ACACA: variants seen among roughly 807,000 people sequenced by gnomAD.
ACACA encodes acetyl-CoA carboxylase 1.
A neutral mutation model predicts 296.1 loss-of-function variants in ACACA; 103 were observed. That is an observed-to-expected ratio of 0.35 (90% confidence interval 0.30 to 0.41). The LOEUF (loss-of-function observed/expected upper bound fraction) is 0.41, where lower values mean the gene tolerates loss of function less well. Ranked by LOEUF, ACACA falls within the 10% of genes least tolerant of loss-of-function variation. The pLI is 1.00. For missense variants in ACACA, 1,554 were observed against 2,989.7 expected (o/e 0.52, Z 11.20); for synonymous variants, 953 against 1,038.6 (o/e 0.92, Z 1.58).
intron 41 of ACACA, among the ~76,000 whole-genome samples, chr17:37,164,043 T>A (rs2076568033): frequency 6.6e-6 from 1 of 152,020 alleles, no homozygotes; most frequent in Non-Finnish European, 1.5e-5. Flanking sequence ...ATGTTTTCCA[T>A]TCTTTTTTTC....
chr17:37,098,470 T>G (rs1336417894), intron 52 of ACACA, among the ~76,000 whole-genome samples: 1 of 152,252 alleles, frequency 6.6e-6, no homozygotes, highest in Non-Finnish European at 1.5e-5. Flanking sequence ...TCCGTGTACA[T>G]GCGAGTTATC....
At chr17:37,396,813 A>G (rs1461855542) in intron 1 of ACACA, among the ~76,000 whole-genome samples, 5 of 152,064 alleles carry the variant, frequency 3.3e-5, no homozygotes, top group Non-Finnish European at 4.4e-5. Context: ...CACTTTCAAA[A>G]AGTATTCCAT....
intron 1 of ACACA, among the ~76,000 whole-genome samples, chr17:37,391,342 C>T (rs746042583): frequency 6.6e-6 from 1 of 152,184 alleles, no homozygotes; most frequent in Admixed American, 6.5e-5. Flanking sequence ...TTTACTCATA[C>T]TTAAGTTGAG....
chr17:37,088,783 T>TA (rs2072401198), intron 55 of ACACA, among the ~76,000 whole-genome samples, 155 bp downstream of exon 55: 1 of 152,222 alleles, frequency 6.6e-6, no homozygotes. Context: ...CTTCAGGCCA[T>TA]ATCTGTACCT....
intron 3 of ACACA, among the ~76,000 whole-genome samples, chr17:37,302,305 G>T (rs1023588739): frequency 1.3e-5 from 2 of 151,926 alleles, no homozygotes; most frequent in Non-Finnish European, 2.9e-5. Context: ...CACCTCCCGG[G>T]TTCAAGCGAT....
intron 3 of ACACA, among the ~76,000 whole-genome samples, chr17:37,297,740 G>A (rs1010794693): frequency 6.6e-6 from 1 of 151,724 alleles, no homozygotes; most frequent in Non-Finnish European, 1.5e-5. Context: ...TAGTAGAGAC[G>A]GGGTTTCACC....
chr17:37,192,210 T>C lies in ACACA; in HGVS notation c.4296A>G (p.Pro1432=), dbSNP rs1438378630. The change falls in exon 37 of 56, where the codon CCA becomes CCG. Residue 1432 remains proline (P), a synonymous_variant. Transcript: ENST00000616317. The part of the protein sequence containing the change: ...RMRNFDLTAI[P]CANHKMHLYL... Reference sequence around the variant, plus strand: ...ACAGGTGCATCTTGTGATTAGCACATGGAATGGCAGTGAGGTCAAAATTTC... The same window carrying C: ...ACAGGTGCATCTTGTGATTAGCACACGGAATGGCAGTGAGGTCAAAATTTC... 6.2e-7 allele frequency: 1 copy of C among 1,613,868 alleles called. No homozygotes were observed. Among genetic ancestry groups the C allele is most frequent in the Non-Finnish European group, 8.5e-7 (1 of 1,179,976 alleles).
chr17:37,326,669 A>G (rs1163857437), intron 3 of ACACA, among the ~76,000 whole-genome samples: 1 of 151,880 alleles, frequency 6.6e-6, no homozygotes, highest in Non-Finnish European at 1.5e-5. Context: ...TGTCTCTACT[A>G]AAAATACAAA....
chr17:37,258,094 C>A, intron 13 of ACACA, 118 bp downstream of exon 13: 1 of 1,314,416 alleles, frequency 7.6e-7, no homozygotes, highest in Non-Finnish European at 1.1e-6. Flanking sequence ...CTCTGAGAAA[C>A]CTCTATGTTT....
At chr17:37,115,265 T>C (rs2074191294) in intron 50 of ACACA, among the ~76,000 whole-genome samples, 1 of 152,372 alleles carries the variant, frequency 6.6e-6, no homozygotes, top group South Asian at 2.1e-4. Flanking sequence ...TGAAAATAAT[T>C]GCTCAGTTCA....
intron 50 of ACACA, among the ~76,000 whole-genome samples, chr17:37,117,447 C>T (rs1158006831): frequency 6.6e-6 from 1 of 152,104 alleles, no homozygotes; most frequent in Admixed American, 6.5e-5. Context: ...CTGAGAGTGA[C>T]CCTGTAGCAC....
At chr17:37,334,734 T>C (rs923814520) in intron 2 of ACACA, among the ~76,000 whole-genome samples, 1 of 151,680 alleles carries the variant, frequency 6.6e-6, no homozygotes, top group Non-Finnish European at 1.5e-5. Flanking sequence ...CTGCACCCCG[T>C]CCATGCCACT....
At chr17:37,132,009 TCTC>T (rs2075122063) in intron 45 of ACACA, among the ~76,000 whole-genome samples, 2 of 152,072 alleles carry the variant, frequency 1.3e-5, no homozygotes, top group African/African-American at 4.8e-5. Context: ...CTTTTCTCAT[TCTC>T]CTGCTGTCTC....
intron 29 of ACACA, among the ~76,000 whole-genome samples, chr17:37,221,069 C>G (rs996959283): frequency 1.3e-5 from 2 of 151,474 alleles, no homozygotes; most frequent in African/African-American, 4.8e-5. Context: ...AAAAGATAGT[C>G]TATAAGATAA....
chr17:37,209,519 T>A (rs2078656164), intron 30 of ACACA, among the ~76,000 whole-genome samples: 2 of 152,060 alleles, frequency 1.3e-5, no homozygotes, highest in Middle Eastern at 6.3e-3. Flanking sequence ...TGAACCAGGG[T>A]GGCTAAAGGC....
At chr17:37,120,714 G>T (rs569408233) in intron 50 of ACACA, among the ~76,000 whole-genome samples, 19 of 152,270 alleles carry the variant, frequency 1.2e-4, no homozygotes, top group African/African-American at 4.6e-4. Context: ...TACTGTAAGA[G>T]GTAGTGTTTC....
At chr17:37,359,294 G>A (rs1331672747) in intron 1 of ACACA, among the ~76,000 whole-genome samples, 3 of 152,122 alleles carry the variant, frequency 2.0e-5, no homozygotes, top group African/African-American at 7.2e-5. Context: ...GGGGCGAGGC[G>A]CGGGCCCGAG....
At chr17:37,141,097 A>G in intron 45 of ACACA, 1 of 447,394 alleles carries the variant, frequency 2.2e-6, no homozygotes, top group Non-Finnish European at 4.4e-6. Flanking sequence ...CCTGATGGCA[A>G]CAAACATCTT....
At position 37,113,017 on chromosome 17, in the gene ACACA, A is replaced by G; in HGVS notation, c.6452+71T>C. On this transcript the variant is annotated intron_variant, in intron 51 of 55. Coordinates refer to ENST00000616317, the MANE Select transcript of ACACA (RefSeq NM_198834.3). The surrounding 1 kb of genome is among the most constrained non-coding windows in gnomAD (Gnocchi z 4.0). ...GGTGCTGTAGTGCCATGGCTGTAACATTCTCCAGGAGGAAACCAACAGCTA... is the reference window on the plus strand; with the variant it reads ...GGTGCTGTAGTGCCATGGCTGTAACGTTCTCCAGGAGGAAACCAACAGCTA... 6.3e-7 allele frequency: 1 copy of G among 1,582,114 alleles called. No individual in the cohort carries two copies. Among genetic ancestry groups the G allele is most frequent in the Non-Finnish European group, 8.7e-7 (1 of 1,154,688 alleles).
Sources: allele counts gnomAD v4.1 joint callset (sites outside exome capture counted in the v4.1 genomes callset), GRCh38; gene constraint gnomAD v4.1.1; non-coding constraint Gnocchi (gnomAD v3.1); transcripts MANE v1.5; gene names NCBI Gene and HGNC (gene_info 2026-07-23, HGNC 2026-07-21).